Variants in SYNPO2 observed in about 807,000 individuals in gnomAD.
SYNPO2 encodes synaptopodin-2.
Under a neutral mutation model 85.0 loss-of-function variants are expected in SYNPO2, and 56 were observed. The observed-to-expected ratio is 0.66, with a 90% confidence interval of 0.53 to 0.82. The LOEUF (loss-of-function observed/expected upper bound fraction) is 0.82. Among genes scored for constraint, SYNPO2 ranks in the 40% least tolerant of loss-of-function variants. The pLI, the probability that SYNPO2 is intolerant of heterozygous loss-of-function variation, is 0.00. For missense variants in SYNPO2, 1,575 were observed against 1,534.2 expected (o/e 1.03, Z -0.44); for synonymous variants, 602 against 591.1 (o/e 1.02, Z -0.27).
At chr4:118,863,109 T>C (rs902865374) in intron 1 of SYNPO2, among the ~76,000 whole-genome samples, 1 of 152,178 alleles carries the variant, frequency 6.6e-6, no homozygotes, top group African/African-American at 2.4e-5. Context: ...GCACCCGGAC[T>C]TTTTCTTTTC....
intron 1 of SYNPO2, among the ~76,000 whole-genome samples, chr4:118,972,707 T>C (rs901374733): frequency 6.6e-6 from 1 of 152,166 alleles, no homozygotes; most frequent in African/African-American, 2.4e-5. Context: ...AGGGTGAAAC[T>C]GTTTTGCCCA....
intron 1 of SYNPO2, among the ~76,000 whole-genome samples, chr4:118,878,981 T>G (rs1186491940): frequency 2.6e-5 from 4 of 152,216 alleles, no homozygotes; most frequent in Admixed American, 6.5e-5. Context: ...TGCGAAGGTC[T>G]GTGGCTTCAC....
At chr4:118,898,115 A>G (rs1328668632) in intron 1 of SYNPO2, among the ~76,000 whole-genome samples, 1 of 152,120 alleles carries the variant, frequency 6.6e-6, no homozygotes, top group African/African-American at 2.4e-5. Flanking sequence ...ATGGCATGAT[A>G]CCTTGTTTTT....
At chr4:119,038,853 G>C (rs572588437) in intron 4 of SYNPO2, among the ~76,000 whole-genome samples, 2 of 151,530 alleles carry the variant, frequency 1.3e-5, no homozygotes, top group South Asian at 2.1e-4. Flanking sequence ...TCTGTCAAAG[G>C]CTTCCCAGCA....
intron 1 of SYNPO2, among the ~76,000 whole-genome samples, chr4:118,920,000 G>A (rs985507637): frequency 6.6e-6 from 1 of 152,140 alleles, no homozygotes; most frequent in African/African-American, 2.4e-5. Flanking sequence ...ATTATTGGAC[G>A]GATGAGAGAC....
chr4:118,904,837 A>AT (rs11387874), intron 1 of SYNPO2, among the ~76,000 whole-genome samples: 120,001 of 152,074 alleles, frequency 0.79, 47,463 homozygotes, highest in South Asian at 0.88. Flanking sequence ...AGTTACCTTT[A>AT]TTTTTTTCTT....
Position 118,959,012 on chromosome 4 carries a change from T to C in SYNPO2, c.106-64418T>C, listed in dbSNP as rs74376486. Among the ~76,000 whole-genome samples the C allele has an allele frequency of 3.6e-3, 546 of 152,276 alleles. 2 individuals carry two copies. Among genetic ancestry groups the C allele is most frequent in the African/African-American group, 0.012 (479 of 41,546 alleles). On this transcript the variant is annotated intron_variant, in intron 1 of 4. Coordinates refer to ENST00000307142, the MANE Select transcript of SYNPO2 (RefSeq NM_133477.3). ...CAGATGACATTTTGACCCTACATGG[T>C]ATATTTCTATTCAAAGGATTTTAGG... is the stretch of plus-strand genomic sequence containing the variant.
intron 1 of SYNPO2, among the ~76,000 whole-genome samples, chr4:118,891,559 C>T (rs1455735252): frequency 6.6e-6 from 1 of 152,198 alleles, no homozygotes; most frequent in African/African-American, 2.4e-5. Flanking sequence ...AAGCGCTTAT[C>T]ACTTTCTCTG....
Position 118,973,440 on chromosome 4 carries a change from T to C in SYNPO2, c.106-49990T>C, listed in dbSNP as rs1412488577. ...AGAGAAAGCCACAGCATAGCACGTATGATATGATACTGGCAGTTTTCGTTT... is the reference window on the plus strand; with the variant it reads ...AGAGAAAGCCACAGCATAGCACGTACGATATGATACTGGCAGTTTTCGTTT... On this transcript the variant is annotated intron_variant, in intron 1 of 4. Transcript: ENST00000307142. Among the ~76,000 whole-genome samples, 4 of 152,134 alleles carry C rather than the reference T, an allele frequency of 2.6e-5. No individual in the cohort carries two copies. The East Asian group carries it at 7.7e-4, about 29-fold the overall frequency.
chr4:118,923,569 A>G (rs1488500647), intron 1 of SYNPO2, among the ~76,000 whole-genome samples: 1 of 152,146 alleles, frequency 6.6e-6, no homozygotes, highest in Non-Finnish European at 1.5e-5. Context: ...ATAATAGAAA[A>G]TTGGTGTTTC....
At chr4:118,966,873 A>T (rs1435722299) in intron 1 of SYNPO2, among the ~76,000 whole-genome samples, 1 of 152,222 alleles carries the variant, frequency 6.6e-6, no homozygotes, top group Non-Finnish European at 1.5e-5. Flanking sequence ...CTTGAAGAGC[A>T]GGTCAGCAGG....
chr4:119,020,149 A>C (rs1054307848), intron 1 of SYNPO2, among the ~76,000 whole-genome samples: 4 of 151,336 alleles, frequency 2.6e-5, no homozygotes, highest in African/African-American at 9.8e-5. Flanking sequence ...TTGGTTGAAG[A>C]GTTCTATAAA....
chr4:118,976,946 T>C (rs577644509), intron 1 of SYNPO2, among the ~76,000 whole-genome samples: 1 of 152,300 alleles, frequency 6.6e-6, no homozygotes, highest in African/African-American at 2.4e-5. Flanking sequence ...TAATAAAGAC[T>C]CTCCACGTCC....
chr4:118,929,423 C>T (rs977012036), intron 1 of SYNPO2, among the ~76,000 whole-genome samples: 6 of 151,878 alleles, frequency 4.0e-5, no homozygotes, highest in Non-Finnish European at 8.8e-5. Flanking sequence ...ATCATATAGC[C>T]TCTCAAAGTT....
intron 4 of SYNPO2, among the ~76,000 whole-genome samples, chr4:119,049,197 G>GA (rs1209771085): frequency 6.6e-6 from 1 of 152,176 alleles, no homozygotes; most frequent in Non-Finnish European, 1.5e-5. Flanking sequence ...TGAGCAAATG[G>GA]AAAAATGGAG....
intron 4 of SYNPO2, among the ~76,000 whole-genome samples, chr4:119,046,806 A>C (rs1199755123): frequency 6.6e-6 from 1 of 152,206 alleles, no homozygotes; most frequent in Non-Finnish European, 1.5e-5. Flanking sequence ...CCAAGTTTCC[A>C]TTCCTTCCAA....
chr4:118,879,691 G>A (rs1328664211), intron 1 of SYNPO2, among the ~76,000 whole-genome samples: 1 of 152,132 alleles, frequency 6.6e-6, no homozygotes, highest in East Asian at 1.9e-4. Flanking sequence ...AACACGAGGG[G>A]CTGCAAAGGT....
rs1731539587 is a variant in SYNPO2 at position 118,858,112 on chromosome 4, A to C, written c.12+7172A>C. 2.6e-5 allele frequency among the ~76,000 whole-genome samples: 4 copies of C among 152,038 alleles called. No homozygotes were observed. The South Asian group carries it at 8.3e-4, about 32-fold the overall frequency. On this transcript the variant is annotated intron_variant, in intron 1 of 4. Coordinates refer to the SYNPO2 transcript ENST00000610556. ...GCCTTAGGGCTGTAGCCTCCTTTAC[A>C]ATCCTCCTTCATTAGAGAAGATGGT...
intron 1 of SYNPO2, among the ~76,000 whole-genome samples, chr4:118,902,853 A>G (rs1732805903): frequency 6.6e-6 from 1 of 152,192 alleles, no homozygotes; most frequent in African/African-American, 2.4e-5. Flanking sequence ...AATTATTATT[A>G]CCATGTTTAA....
Sources: gnomAD v4.1 joint callset for allele counts (sites outside exome capture counted in the v4.1 genomes callset) on GRCh38, gnomAD v4.1.1 for gene constraint, MANE v1.5 for transcripts, NCBI Gene and HGNC (gene_info 2026-07-23, HGNC 2026-07-21) for gene names.